Variants in VIL1 observed in about 807,000 individuals in gnomAD.
The protein encoded by VIL1 is villin-1.
A neutral mutation model predicts 104.0 loss-of-function variants in VIL1; 86 were observed. That is an observed-to-expected ratio of 0.83 (90% CI 0.69 to 0.99). The LOEUF (loss-of-function observed/expected upper bound fraction) is 0.99, where lower values mean the gene tolerates loss of function less well. VIL1 is among the 50% of genes least tolerant of loss of function. VIL1 has a pLI of 0.00. For synonymous variants in VIL1, 394 were observed against 412.6 expected (o/e 0.95, Z 0.55); for missense variants, 944 against 1,054.1 (o/e 0.90, Z 1.45).
intron 17 of VIL1, among the ~76,000 whole-genome samples, chr2:218,438,092 G>A (rs1404603137): frequency 6.6e-6 from 1 of 152,206 alleles, no homozygotes; most frequent in African/African-American, 2.4e-5. Context: ...GAGATGCCAG[G>A]TTTTCTCAAT....
At chr2:218,429,987 A>G (rs1229673357) in intron 9 of VIL1, 40 bp downstream of exon 9, 1 of 1,553,248 alleles carries the variant, frequency 6.4e-7, no homozygotes, top group East Asian at 2.3e-5. Context: ...AGGAGGGCAG[A>G]GTGATGGGAG....
In VIL1 at chr2:218,435,422, C is replaced by G; in HGVS notation, c.1814C>G (p.Ala605Gly). The change falls in exon 15 of 20, where the codon GCC becomes GGC. Residue 605 changes from alanine (A) to glycine (G), a missense_variant. By Grantham distance (60) the Ala-to-Gly change is moderately conservative. Coordinates refer to ENST00000248444, the MANE Select transcript of VIL1 (RefSeq NM_007127.3). Reference sequence around the variant, plus strand: ...GCCCTGGGTGGGAAGGCCCCCTATGCCAACACCAAGAGGTAACTCTCAGGT... The same window carrying G: ...GCCCTGGGTGGGAAGGCCCCCTATGGCAACACCAAGAGGTAACTCTCAGGT... ...WMALGGKAPY[A>G]NTKRLQEENL... is the part of the protein sequence containing the mutation. 6.2e-7 allele frequency: 1 copy of G among 1,613,830 alleles called. No individual in the cohort carries two copies. The highest frequency in any genetic ancestry group is 8.5e-7 in the Non-Finnish European group (1 of 1,179,838).
chr2:218,437,081 G>A (rs750811176), intron 16 of VIL1, 43 bp from the exon 17 acceptor site: 2 of 1,595,700 alleles, frequency 1.3e-6, no homozygotes, highest in South Asian at 1.1e-5. Context: ...TGTGGGCCAG[G>A]GAGGACAGGA....
chr2:218,436,054 G>C (rs937375366), intron 15 of VIL1, among the ~76,000 whole-genome samples: 5 of 152,136 alleles, frequency 3.3e-5, no homozygotes, highest in Non-Finnish European at 5.9e-5. Context: ...GGCCAGGCTG[G>C]TCTTGAACTC....
intron 15 of VIL1, among the ~76,000 whole-genome samples, chr2:218,435,839 T>G (rs1444913262): frequency 6.6e-6 from 1 of 152,154 alleles, no homozygotes; most frequent in Non-Finnish European, 1.5e-5. Context: ...CAAATGGTTT[T>G]GTTTTGTTTT....
rs768624296 is a variant in VIL1, at chr2:218,435,444, A to G, written c.1826+10A>G. On this transcript the variant is annotated intron_variant, in intron 15 of 19. Transcript: ENST00000248444. The stretch of plus-strand genomic sequence containing the variant: ...ATGCCAACACCAAGAGGTAACTCTC[A>G]GGTCCCTCCGCCTCCAGGTTACCAA... 6.2e-7 allele frequency: 1 copy of G among 1,612,490 alleles called. No homozygotes were observed. The highest frequency in any genetic ancestry group is 1.1e-5 in the South Asian group (1 of 90,974).
At position 218,428,240 on chromosome 2, in the gene VIL1, G is replaced by T; in HGVS notation, c.470G>T (p.Trp157Leu). The change falls in exon 6 of 20, where the codon TGG becomes TTG. Residue 157 changes from tryptophan to leucine, a missense_variant. Trp to Leu is a moderately conservative substitution (Grantham distance 61). Transcript: ENST00000248444. ...GTGGCTCCCTAGGTAGAGATGTCCT[G>T]GAAGAGTTTCAACCGAGGGGATGTT... is the stretch of plus-strand genomic sequence containing the variant. ...NVVAGEVEMS[W>L]KSFNRGDVFL... The T allele has an allele frequency of 2.5e-6, 4 of 1,614,116 alleles. No homozygotes were observed. The highest frequency in any genetic ancestry group is 3.4e-6 in the Non-Finnish European group (4 of 1,179,994).
Position 218,430,676 on chromosome 2 carries a change from T to C in VIL1, c.949-49T>C, listed in dbSNP as rs369803339. ...GCTAGGTTTTGGCTTGCATTGGGAGTGGGGACTAGGGGAGGTGCATAGCTT... is the reference window on the plus strand; with the variant it reads ...GCTAGGTTTTGGCTTGCATTGGGAGCGGGGACTAGGGGAGGTGCATAGCTT... On this transcript the variant is annotated intron_variant, in intron 9 of 19. Coordinates refer to ENST00000248444, the MANE Select transcript of VIL1 (RefSeq NM_007127.3). 7 of 1,526,284 alleles carry C rather than the reference T, an allele frequency of 4.6e-6. No homozygotes were observed. The African/African-American group carries it at 8.3e-5, about 18-fold the overall frequency. The allele number at this position is 1,526,284 out of a possible 1,614,324, so 94.5% of individuals were successfully genotyped here. A position where few individuals can be genotyped will look rare whatever the true frequency, so the allele number is the denominator to read the frequency against.
intron 19 of VIL1, among the ~76,000 whole-genome samples, chr2:218,446,774 T>TTTC (rs1265252011): frequency 1.3e-5 from 2 of 149,112 alleles, no homozygotes; most frequent in Admixed American, 6.7e-5. Context: ...TTTTTTTTTT[T>TTTC]TTTTTTTGAG....
At chr2:218,421,940 A>G (rs1304040317) in intron 1 of VIL1, among the ~76,000 whole-genome samples, 1 of 152,096 alleles carries the variant, frequency 6.6e-6, no homozygotes, top group Non-Finnish European at 1.5e-5. Context: ...ACGTTCATAC[A>G]GCTAGTGAGT....
At chr2:218,432,602 T>C (rs1689119172) in intron 12 of VIL1, 191 bp from the exon 13 acceptor site, 2 of 868,212 alleles carry the variant, frequency 2.3e-6, no homozygotes, top group Non-Finnish European at 3.7e-6. Context: ...AGAATTAGGT[T>C]TGAGGTTGAG....
chr2:218,432,181 C>T lies in VIL1; in HGVS notation c.1339C>T (p.Gln447Ter). The T allele has an allele frequency of 6.2e-7, 1 of 1,611,624 alleles. No individual in the cohort carries two copies. Residue 447 changes from glutamine to a stop codon, truncating the protein, a stop_gained and splice_region_variant, in exon 12 of 20, where the codon CAG (glutamine) becomes TAG (stop). Transcript: ENST00000248444. LOFTEE classifies it high-confidence loss of function. ...EKQHYLLYVW[Q>*]GSQASQDEIT... The stretch of plus-strand genomic sequence containing the variant: ...GCAGCATTACCTGCTCTACGTTTGG[C>T]AGGTCAGGTCCCGCCACGTCCCACC...
At chr2:218,420,788 T>C (rs1462152103) in intron 1 of VIL1, among the ~76,000 whole-genome samples, 3 of 152,066 alleles carry the variant, frequency 2.0e-5, no homozygotes, top group African/African-American at 4.8e-5. Flanking sequence ...GGTTTCACCG[T>C]GTTAGCCAGG....
At chr2:218,436,420 T>A in intron 15 of VIL1, 62 bp from the exon 16 acceptor site, 1 of 1,575,478 alleles carries the variant, frequency 6.3e-7, no homozygotes, top group Non-Finnish European at 8.6e-7. Context: ...GAGTTCTGTG[T>A]CCTCAATTCT....
intron 1 of VIL1, among the ~76,000 whole-genome samples, chr2:218,419,633 T>C (rs1248176367): frequency 6.6e-6 from 1 of 152,190 alleles, no homozygotes. Context: ...GGGTCCTGCC[T>C]CCTGGCTCCT....
chr2:218,452,804 T>C lies in VIL1; in HGVS notation c.*3468T>C, dbSNP rs1689522263. 1 of 152,198 alleles carries C rather than the reference T, an allele frequency of 6.6e-6. No homozygotes were observed. Among genetic ancestry groups the C allele is most frequent in the African/African-American group, 2.4e-5 (1 of 41,436 alleles). 9.4% of individuals were successfully genotyped at this position (152,198 alleles called of 1,614,324 possible). A position where few individuals can be genotyped will look rare whatever the true frequency, so the allele number is the denominator to read the frequency against. On this transcript the variant is annotated 3_prime_UTR_variant, in exon 20 of 20. Transcript: ENST00000248444. ...GCACTTTAAATCTTTCCCAATAATTTTTAACAGTGCCTCTCAAATGCAAAG... is the reference window on the plus strand; with the variant it reads ...GCACTTTAAATCTTTCCCAATAATTCTTAACAGTGCCTCTCAAATGCAAAG...
intron 15 of VIL1, among the ~76,000 whole-genome samples, chr2:218,436,000 G>A (rs11682844): frequency 0.46 from 70,317 of 151,956 alleles, 19,400 homozygotes; most frequent in East Asian, 0.77. Context: ...CACCGTGCCC[G>A]GCTAATTTTT....
At chr2:218,438,000 T>A (rs573675087) in intron 17 of VIL1, among the ~76,000 whole-genome samples, 2 of 152,348 alleles carry the variant, frequency 1.3e-5, no homozygotes, top group Admixed American at 1.3e-4. Context: ...AGCAGAAAGC[T>A]TAATTTCCTT....
intron 1 of VIL1, among the ~76,000 whole-genome samples, chr2:218,420,887 T>C (rs1340937908): frequency 1.3e-5 from 2 of 152,110 alleles, no homozygotes; most frequent in African/African-American, 4.8e-5. Flanking sequence ...GCCCAGCCCA[T>C]GAGTATTTGT....
Sources: allele counts gnomAD v4.1 joint callset (sites outside exome capture counted in the v4.1 genomes callset), GRCh38; gene constraint gnomAD v4.1.1; transcripts MANE v1.5; gene names NCBI Gene and HGNC (gene_info 2026-07-23, HGNC 2026-07-21).